Variants in IGDCC4 observed in about 807,000 individuals in gnomAD.
The protein encoded by IGDCC4 is likely ortholog of mouse neighbor of Punc E11.
A neutral mutation model predicts 116.6 loss-of-function variants in IGDCC4; 72 were observed. That is an observed-to-expected ratio of 0.62 (90% CI 0.51 to 0.75). The LOEUF (loss-of-function observed/expected upper bound fraction) is 0.75, where lower values mean the gene tolerates loss of function less well. IGDCC4 is among the 30% of genes least tolerant of loss of function. The probability of loss-of-function intolerance (pLI) is 0.00; values close to 1 mark genes in which losing one functional copy is unlikely to be tolerated. For missense variants in IGDCC4, 1,501 were observed against 1,662.4 expected (o/e 0.90, Z 1.69); for synonymous variants, 709 against 719.9 (o/e 0.98, Z 0.24).
At position 65,410,970 on chromosome 15, in the gene IGDCC4, C is replaced by A. The variant is rs1184539985; in HGVS notation, c.421+50G>T. The A allele has an allele frequency of 3.3e-6, 5 of 1,492,728 alleles. No homozygotes were observed. In the East Asian group the frequency reaches 7.0e-5, roughly 21 times the overall value. 92.5% of individuals were successfully genotyped at this position (1,492,728 alleles called of 1,614,324 possible). ...CTAACTGCAGATCCCACTTCGCACA[C>A]CCCAAGTCTGGGTTTCAGCCTCAGA... is the stretch of plus-strand genomic sequence containing the variant. On this transcript the variant is annotated intron_variant, in intron 2 of 19. Transcript: ENST00000352385.
rs183662856 is a variant in IGDCC4 at position 65,387,598 on chromosome 15, G to A, written c.2845+851C>T. On this transcript the variant is annotated intron_variant, in intron 16 of 19. Coordinates refer to ENST00000352385, the MANE Select transcript of IGDCC4 (RefSeq NM_020962.3). ...GATCTCCTGACATCATGATCCGCCC[G>A]CACCTTGGCCTCCCAAAGTGCTGGG... Among the ~76,000 whole-genome samples, 299 of 151,804 alleles carry A rather than the reference G, an allele frequency of 2.0e-3. 1 individual carries two copies. Among genetic ancestry groups the A allele is most frequent in the Admixed American group, 5.8e-3 (89 of 15,250 alleles).
In IGDCC4 at chr15:65,395,164, G is replaced by A. The variant is rs755512196; in HGVS notation, c.1506C>T (p.Tyr502=). ...DLEPNTDYEF[Y]VVAYSQLGAS... is the part of the protein sequence containing the mutation. ...CTCCCAGCTGGGAGTAGGCCACCAC[G>A]TAGAACTCATAATCTGTGTTGGGTT... Residue 502 remains tyrosine (Y), a synonymous_variant, in exon 8 of 20, where the codon TAC becomes TAT. Transcript: ENST00000352385. 2.9e-5 allele frequency: 46 copies of A among 1,613,894 alleles called. No homozygotes were observed. The highest frequency in any genetic ancestry group is 6.6e-5 in the South Asian group (6 of 91,058).
At chr15:65,385,676 C>G (rs1288358615) in intron 18 of IGDCC4, 155 bp downstream of exon 18, 1 of 726,480 alleles carries the variant, frequency 1.4e-6, no homozygotes, top group Non-Finnish European at 2.5e-6. Flanking sequence ...GCTTCCCTGA[C>G]AGCCAACCAT....
chr15:65,385,726 G>A, intron 18 of IGDCC4, 105 bp downstream of exon 18: 2 of 954,622 alleles, frequency 2.1e-6, no homozygotes, highest in Non-Finnish European at 3.4e-6. Context: ...TCCGCAGCCG[G>A]CTCCGAAGAG....
intron 12 of IGDCC4, among the ~76,000 whole-genome samples, chr15:65,391,142 A>G (rs1346800887): frequency 6.6e-6 from 1 of 152,162 alleles, no homozygotes; most frequent in Non-Finnish European, 1.5e-5. Flanking sequence ...AGGCACAAGA[A>G]TTGCTTGAAC....
intron 16 of IGDCC4, among the ~76,000 whole-genome samples, chr15:65,388,151 G>A (rs906948020): frequency 6.6e-6 from 1 of 151,860 alleles, no homozygotes; most frequent in African/African-American, 2.4e-5. Context: ...GGCTGAGGCA[G>A]CAGAATCGCT....
Position 65,393,510 on chromosome 15 carries a change from A to T in IGDCC4, c.1736T>A (p.Val579Glu). The change falls in exon 10 of 20, where the codon GTG becomes GAG. Residue 579 changes from valine (V) to glutamate (E), a missense_variant. Transcript: ENST00000352385. This position sits in a 1 kb window ranked among gnomAD's most constrained non-coding sequence, Gnocchi z 4.6. Reference sequence around the variant, plus strand: ...CATAAGCTGTGTCTCATTTCCTCGCACCTCAGTAGAGAAAATCTGATCTGC... The same window carrying T: ...CATAAGCTGTGTCTCATTTCCTCGCTCCTCAGTAGAGAAAATCTGATCTGC... ...GKEDQIFSTEVRGNETQLMLN... is the reference protein window; with the variant it reads ...GKEDQIFSTEERGNETQLMLN... 6.2e-7 allele frequency: 1 copy of T among 1,602,486 alleles called. No homozygotes were observed. Among genetic ancestry groups the T allele is most frequent in the Non-Finnish European group, 8.5e-7 (1 of 1,173,186 alleles).
rs957450086 is a variant in IGDCC4 at position 65,396,118 on chromosome 15, C to T, written c.1043G>A (p.Arg348Gln). 13 of 1,453,850 alleles carry T rather than the reference C, an allele frequency of 8.9e-6. No individual in the cohort carries two copies. Among genetic ancestry groups the T allele is most frequent in the Non-Finnish European group, 8.1e-6 (9 of 1,110,288 alleles). The allele number at this position is 1,453,850 out of a possible 1,614,324, so 90.1% of individuals were successfully genotyped here. A position where few individuals can be genotyped will look rare whatever the true frequency, so the allele number is the denominator to read the frequency against. ...GCACACGAAGCGCGCTGTGCTCGCC[C>T]GCGTCCGCGACAGCGCCTCGGGCGC... ...TQAPEALSRT[R>Q]ASTARFVCRA... Residue 348 changes from arginine to glutamine, a missense_variant, in exon 7 of 20, where the codon CGG (arginine) becomes CAG (glutamine). Around this residue, in one of 3 missense-constraint regions of IGDCC4, gnomAD observed 898 missense variants for 978.9 expected, o/e 0.92. Coordinates refer to ENST00000352385, the MANE Select transcript of IGDCC4 (RefSeq NM_020962.3).
intron 18 of IGDCC4, chr15:65,385,630 A>T: frequency 1.5e-6 from 1 of 653,742 alleles, no homozygotes; most frequent in East Asian, 2.7e-5. Context: ...GTGAGAACCA[A>T]GCTGACCTAT....
intron 1 of IGDCC4, among the ~76,000 whole-genome samples, chr15:65,420,519 A>G (rs975803804): frequency 6.6e-6 from 1 of 151,836 alleles, no homozygotes; most frequent in Non-Finnish European, 1.5e-5. Flanking sequence ...GCTCATGGGG[A>G]CTCTCAGGCC....
chr15:65,396,222 C>G (rs766583854), intron 6 of IGDCC4, 59 bp from the exon 7 acceptor site: 174 of 1,294,532 alleles, frequency 1.3e-4, no homozygotes, highest in Admixed American at 5.1e-4. Context: ...CTCTGCCCCC[C>G]CCCCAGTACC....
At chr15:65,403,615 G>C (rs529595304) in intron 3 of IGDCC4, among the ~76,000 whole-genome samples, 18 of 152,134 alleles carry the variant, frequency 1.2e-4, no homozygotes, top group Non-Finnish European at 1.9e-4. Flanking sequence ...AGGTGGAGCA[G>C]AGTGAAAACT....
Position 65,419,110 on chromosome 15 carries a change from T to C in IGDCC4, c.70+3683A>G, listed in dbSNP as rs886854354. Among the ~76,000 whole-genome samples, 4 of 152,108 alleles carry C rather than the reference T, an allele frequency of 2.6e-5. No individual in the cohort carries two copies. The Middle Eastern group carries it at 0.01, about 388-fold the overall frequency. ...CTCTGTTGCCCAGGGTGGAGAACAG[T>C]GGTGCGAGCCATCATAGCTTACCAC... On this transcript the variant is annotated intron_variant, in intron 1 of 19. Transcript: ENST00000352385.
chr15:65,384,194 C>T lies in IGDCC4; in HGVS notation c.3568G>A (p.Ala1190Thr). The T allele has an allele frequency of 6.2e-7, 1 of 1,610,340 alleles. No individual in the cohort carries two copies. Among genetic ancestry groups the T allele is most frequent in the South Asian group, 1.1e-5 (1 of 90,772 alleles). ...LDRELGGCEL[A>T]APGPDRLTCL... Reference sequence around the variant, plus strand: ...GTAAGTCTGTCTGGCCCGGGGGCTGCCAGCTCACACCCTCCCAACTCCCTG... The same window carrying T: ...GTAAGTCTGTCTGGCCCGGGGGCTGTCAGCTCACACCCTCCCAACTCCCTG... The change falls in exon 20 of 20, where the codon GCA (alanine) becomes ACA (threonine). Residue 1190 changes from alanine to threonine, a missense_variant. By Grantham distance (58) the Ala-to-Thr change is moderately conservative (BLOSUM62 0). Transcript: ENST00000352385. This position sits in a 1 kb window ranked among gnomAD's most constrained non-coding sequence, Gnocchi z 4.9.
intron 1 of IGDCC4, among the ~76,000 whole-genome samples, chr15:65,419,841 G>A (rs571245259): frequency 2.0e-4 from 31 of 152,334 alleles, no homozygotes; most frequent in African/African-American, 7.0e-4. Context: ...TCACAAAGGG[G>A]TCCCAGTCCC....
chr15:65,381,757 A>G lies in IGDCC4; in HGVS notation c.*2252T>C, dbSNP rs1396342933. The G allele has an allele frequency of 3.9e-5, 6 of 152,516 alleles. No homozygotes were observed. The highest frequency in any genetic ancestry group is 1.4e-4 in the African/African-American group (6 of 41,462). 9.4% of individuals were successfully genotyped at this position (152,516 alleles called of 1,614,324 possible). On this transcript the variant is annotated 3_prime_UTR_variant, in exon 20 of 20. Coordinates refer to ENST00000352385, the MANE Select transcript of IGDCC4 (RefSeq NM_020962.3). The stretch of plus-strand genomic sequence containing the variant: ...GGGATTAATACCCTGTAAAAGGCCA[A>G]TAGATTCTTTTCTAATAAAAATACT...
intron 3 of IGDCC4, 108 bp from the exon 4 acceptor site, chr15:65,402,595 G>C (rs767143107): frequency 1.4e-6 from 2 of 1,396,742 alleles, no homozygotes; most frequent in South Asian, 1.4e-5. Flanking sequence ...CAGGCTGGGC[G>C]CAGTGGCTCA....
chr15:65,413,050 G>T (rs1316541247), intron 1 of IGDCC4, among the ~76,000 whole-genome samples: 1 of 151,856 alleles, frequency 6.6e-6, no homozygotes, highest in Non-Finnish European at 1.5e-5. Flanking sequence ...GTGTGTGTGT[G>T]TGTGTGTGTG....
chr15:65,405,297 C>T (rs2063030835), intron 3 of IGDCC4, among the ~76,000 whole-genome samples: 2 of 144,772 alleles, frequency 1.4e-5, no homozygotes, highest in South Asian at 2.1e-4. Flanking sequence ...ATTTATTGTG[C>T]CTGTTAAGTG....
Sources: allele counts gnomAD v4.1 joint callset (sites outside exome capture counted in the v4.1 genomes callset), GRCh38; gene constraint gnomAD v4.1.1; regional missense constraint gnomAD v4.1.1; non-coding constraint Gnocchi (gnomAD v3.1); transcripts MANE v1.5; gene names NCBI Gene and HGNC (gene_info 2026-07-23, HGNC 2026-07-21).